The following MTOR variants were observed in gnomAD, a reference collection of about 807,000 sequenced individuals.
MTOR encodes mechanistic target of rapamycin kinase.
Under a neutral mutation model 319.8 loss-of-function variants are expected in MTOR, and 70 were observed. That is an observed-to-expected ratio of 0.22 (90% CI 0.18 to 0.27). The LOEUF (loss-of-function observed/expected upper bound fraction) is 0.27. Among genes scored for constraint, MTOR ranks in the 10% least tolerant of loss-of-function variants. MTOR has a pLI of 1.00. For missense variants in MTOR, 1,890 were observed against 3,274.4 expected (o/e 0.58, Z 10.32); for synonymous variants, 1,183 against 1,211.4 (o/e 0.98, Z 0.49).
At chr1:11,156,272 G>A (rs917452404) in intron 30 of MTOR, among the ~76,000 whole-genome samples, 2 of 152,224 alleles carry the variant, frequency 1.3e-5, no homozygotes, top group Admixed American at 6.5e-5. Flanking sequence ...TTACAGGTGT[G>A]AGCCACTGTG....
chr1:11,231,037 C>G lies in MTOR; in HGVS notation c.2667G>C (p.Gly889=), dbSNP rs753636038. The G allele has an allele frequency of 6.2e-7, 1 of 1,614,084 alleles. No individual in the cohort carries two copies. Among genetic ancestry groups the G allele is most frequent in the South Asian group, 1.1e-5 (1 of 91,076 alleles). ...GTRREAIRVL[G]LLGALDPYKH... ...TGTAAGGATCCAAAGCCCCTAAAAGCCCTAACACACGGATGGCCTGCGTGG... is the reference window on the plus strand; with the variant it reads ...TGTAAGGATCCAAAGCCCCTAAAAGGCCTAACACACGGATGGCCTGCGTGG... Residue 889 remains glycine, a synonymous_variant, in exon 18 of 58, where the codon GGG becomes GGC. Transcript: ENST00000361445.
At chr1:11,193,123 C>T (rs1645615140) in intron 28 of MTOR, among the ~76,000 whole-genome samples, 2 of 151,962 alleles carry the variant, frequency 1.3e-5, no homozygotes, top group Admixed American at 1.3e-4. Flanking sequence ...TTGAGACCAG[C>T]CTGGCCAACA....
At chr1:11,246,917 T>G (rs1435089514) in intron 8 of MTOR, among the ~76,000 whole-genome samples, 1 of 152,198 alleles carries the variant, frequency 6.6e-6, no homozygotes, top group African/African-American at 2.4e-5. Flanking sequence ...TTCCACTTAT[T>G]AGGGCTCTGT....
At chr1:11,111,043 G>A (rs967223464) in intron 54 of MTOR, 6 of 449,186 alleles carry the variant, frequency 1.3e-5, no homozygotes, top group Non-Finnish European at 2.7e-5. Context: ...CAGAGACTGT[G>A]TGTCCTATGA....
Position 11,193,816 on chromosome 1 carries a change from C to A in MTOR, c.4253+5442G>T, listed in dbSNP as rs150816896. On this transcript the variant is annotated intron_variant, in intron 28 of 57. Coordinates refer to ENST00000361445, the MANE Select transcript of MTOR (RefSeq NM_004958.4). ...GGGCCCCATGACTGGACCAGTGCCA[C>A]CACACATGACCGCGTACAACTCCGG... is the stretch of plus-strand genomic sequence containing the variant. 12 of 1,594,986 alleles carry A rather than the reference C, an allele frequency of 7.5e-6. No individual in the cohort carries two copies. The East Asian group carries it at 2.5e-4, about 33-fold the overall frequency.
chr1:11,110,211 C>T (rs1346650625), intron 54 of MTOR, among the ~76,000 whole-genome samples: 5 of 152,174 alleles, frequency 3.3e-5, no homozygotes, highest in Non-Finnish European at 7.3e-5. Flanking sequence ...GAATGTGTCA[C>T]ACACAAGGTT....
intron 19 of MTOR, among the ~76,000 whole-genome samples, chr1:11,221,764 T>G (rs1312052081): frequency 6.7e-6 from 1 of 148,982 alleles, no homozygotes; most frequent in East Asian, 1.9e-4. Context: ...ATACTCTATA[T>G]AGAGAGCTCT....
Position 11,128,196 on chromosome 1 carries a change from G to A in MTOR, c.5911-70C>T. The A allele has an allele frequency of 1.3e-6, 2 of 1,585,782 alleles. No homozygotes were observed. The highest frequency in any genetic ancestry group is 1.7e-6 in the Non-Finnish European group (2 of 1,163,760). On this transcript the variant is annotated intron_variant, in intron 42 of 57. Coordinates refer to ENST00000361445, the MANE Select transcript of MTOR (RefSeq NM_004958.4). This position sits in a 1 kb window ranked among gnomAD's most constrained non-coding sequence, Gnocchi z 5.3. ...GGGGAAGAGCTGGTATGAATTTTAA[G>A]GAGAATAACAAAACAAGTGGTGAGT...
chr1:11,124,014 C>T (rs1001747619), intron 47 of MTOR, among the ~76,000 whole-genome samples: 3 of 152,206 alleles, frequency 2.0e-5, no homozygotes, highest in Non-Finnish European at 4.4e-5. Flanking sequence ...TCTCGAACTC[C>T]TGACCTCAAG....
intron 28 of MTOR, among the ~76,000 whole-genome samples, chr1:11,171,398 C>T (rs1024121933): frequency 4.6e-5 from 7 of 151,788 alleles, no homozygotes; most frequent in African/African-American, 9.7e-5. Flanking sequence ...CCTCTGGCCT[C>T]GGCCTCCCAA....
rs2275525 is a variant in MTOR at position 11,109,619 on chromosome 1, C to T, written c.7447+30G>A. The T allele has an allele frequency of 0.05, 79,282 of 1,600,754 alleles. 4,660 individuals are homozygous for T. Among genetic ancestry groups the T allele is most frequent in the African/African-American group, 0.2 (15,205 of 74,726 alleles). The stretch of plus-strand genomic sequence containing the variant: ...TGCTATTTTCTTAATGAGCTAGTCA[C>T]TGGTGCGGTTCCTCAGAGGCTGAAC... On this transcript the variant is annotated intron_variant, in intron 55 of 57. Transcript: ENST00000361445. The surrounding 1 kb of genome is among the most constrained non-coding windows in gnomAD (Gnocchi z 4.0).
At chr1:11,241,913 C>T (rs1648091262) in intron 9 of MTOR, among the ~76,000 whole-genome samples, 1 of 152,056 alleles carries the variant, frequency 6.6e-6, no homozygotes, top group South Asian at 2.1e-4. Context: ...AGGAAGGGGC[C>T]TTTTTTCTGA....
chr1:11,231,378 G>A lies in MTOR; in HGVS notation c.2571C>T (p.Pro857=), dbSNP rs1647009827. 1 of 1,614,150 alleles carries A rather than the reference G, an allele frequency of 6.2e-7. No homozygotes were observed. Among genetic ancestry groups the A allele is most frequent in the African/African-American group, 1.3e-5 (1 of 75,032 alleles). ...CAAGCAAAGTAGGGTACTTCCTGTA[G>A]GGCTCTACTACATAGCCAGTGCTGG... is the stretch of plus-strand genomic sequence containing the variant. The part of the protein sequence containing the change: ...LVASTGYVVE[P]YRKYPTLLEV... Residue 857 remains proline, a synonymous_variant, in exon 17 of 58, where the codon CCC becomes CCT. Transcript: ENST00000361445.
intron 28 of MTOR, among the ~76,000 whole-genome samples, chr1:11,174,326 C>G (rs958719089): frequency 3.9e-5 from 6 of 152,182 alleles, no homozygotes; most frequent in African/African-American, 1.4e-4. Context: ...CTCTCTAGAA[C>G]TCATTGTGCA....
At chr1:11,222,515 A>G (rs1381046504) in intron 19 of MTOR, among the ~76,000 whole-genome samples, 4 of 152,100 alleles carry the variant, frequency 2.6e-5, no homozygotes, top group African/African-American at 9.7e-5. Context: ...TGTTTTAAAT[A>G]AAATGAGATG....
At position 11,199,259 on chromosome 1, in the gene MTOR, T is replaced by A; in HGVS notation, c.4252A>T (p.Ser1418Cys). The change falls in exon 28 of 58, where the codon AGC becomes TGC. Residue 1418 changes from serine (S) to cysteine (C), a missense_variant and splice_region_variant. Transcript: ENST00000361445. The surrounding 1 kb of genome is among the most constrained non-coding windows in gnomAD (Gnocchi z 4.5). ...PTPAILESLI[S>C]INNKLQQPEA... ...AATTAAAAAGGGTTTATGGCCTACC[T>A]GATGAGAGATTCTAGAATGGCAGGG... 1 of 1,614,214 alleles carries A rather than the reference T, an allele frequency of 6.2e-7. No homozygotes were observed. The highest frequency in any genetic ancestry group is 8.5e-7 in the Non-Finnish European group (1 of 1,180,030).
chr1:11,220,983 C>G (rs569051070), intron 19 of MTOR, among the ~76,000 whole-genome samples: 1 of 136,072 alleles, frequency 7.3e-6, no homozygotes, highest in Admixed American at 8.7e-5. Flanking sequence ...TCTTATATAA[C>G]TAAAACAAAA....
chr1:11,216,291 C>T (rs139291848), intron 19 of MTOR, 57 bp from the exon 20 acceptor site: 60 of 1,349,782 alleles, frequency 4.4e-5, no homozygotes, highest in Middle Eastern at 1.8e-4. Context: ...AACCCCCAGG[C>T]TTACCTTAAG....
intron 10 of MTOR, among the ~76,000 whole-genome samples, 200 bp downstream of exon 10, chr1:11,241,353 G>A (rs1281366619): frequency 6.6e-6 from 1 of 151,700 alleles, no homozygotes; most frequent in Non-Finnish European, 1.5e-5. Context: ...GAGGCTCGGG[G>A]AAATTAAATA....
Sources: gnomAD v4.1 joint callset for allele counts (sites outside exome capture counted in the v4.1 genomes callset) on GRCh38, gnomAD v4.1.1 for gene constraint, Gnocchi (gnomAD v3.1) non-coding constraint, MANE v1.5 for transcripts, NCBI Gene and HGNC (gene_info 2026-07-23, HGNC 2026-07-21) for gene names.